Variants in FILIP1L observed in about 807,000 individuals in gnomAD.
The protein encoded by FILIP1L is filamin A interacting protein 1 like.
A neutral mutation model predicts 96.6 loss-of-function variants in FILIP1L; 55 were observed. The ratio of observed to expected loss-of-function variants is 0.57; its 90% CI spans 0.46 to 0.71. The LOEUF (loss-of-function observed/expected upper bound fraction) is 0.71. Among genes scored for constraint, FILIP1L ranks in the 30% least tolerant of loss-of-function variants. The pLI, the probability that FILIP1L is intolerant of heterozygous loss-of-function variation, is 0.00. For missense variants in FILIP1L, 1,304 were observed against 1,321.2 expected, an observed-to-expected ratio of 0.99 and a Z score of 0.20; for synonymous variants, 467 against 473.9, an observed-to-expected ratio of 0.99 and a Z score of 0.19.
intron 4 of FILIP1L, among the ~76,000 whole-genome samples, chr3:99,872,620 C>A (rs1460182202): frequency 6.6e-6 from 1 of 151,996 alleles, no homozygotes; most frequent in African/African-American, 2.4e-5. Flanking sequence ...AAAAAAAATT[C>A]TATACTTAAC....
intron 1 of FILIP1L, among the ~76,000 whole-genome samples, chr3:100,016,629 A>G (rs992907581): frequency 1.3e-5 from 2 of 152,208 alleles, no homozygotes; most frequent in African/African-American, 4.8e-5. Flanking sequence ...CCATATGAAT[A>G]TGCATATAAA....
intron 1 of FILIP1L, among the ~76,000 whole-genome samples, chr3:100,007,914 A>G (rs992346426): frequency 6.6e-6 from 1 of 152,168 alleles, no homozygotes; most frequent in African/African-American, 2.4e-5. Context: ...TGCATTGCAT[A>G]TAGTTACTAG....
At chr3:100,092,864 ACT>A (rs1368866288) in intron 1 of FILIP1L, among the ~76,000 whole-genome samples, 3 of 151,508 alleles carry the variant, frequency 2.0e-5, no homozygotes, top group Non-Finnish European at 4.4e-5. Flanking sequence ...CACAAGACAA[ACT>A]CATTCCAGGA....
intron 1 of FILIP1L, among the ~76,000 whole-genome samples, chr3:100,085,852 A>T (rs900163700): frequency 3.3e-5 from 5 of 152,352 alleles, no homozygotes; most frequent in Admixed American, 1.3e-4. Context: ...GCAGGAAAAG[A>T]GGTGGTTACA....
chr3:99,974,155 A>G (rs116240439), intron 1 of FILIP1L, among the ~76,000 whole-genome samples: 1,525 of 152,304 alleles, frequency 0.01, 14 homozygotes, highest in Non-Finnish European at 0.016. Context: ...GCTTGTAGGT[A>G]TTGGACAATA....
intron 4 of FILIP1L, among the ~76,000 whole-genome samples, chr3:99,886,395 A>G (rs1427151980): frequency 2.6e-5 from 4 of 151,612 alleles, no homozygotes; most frequent in Non-Finnish European, 5.9e-5. Flanking sequence ...TACACTTAAC[A>G]CTAATGATAC....
intron 1 of FILIP1L, among the ~76,000 whole-genome samples, chr3:99,961,321 T>A (rs558458462): frequency 1.3e-5 from 2 of 152,252 alleles, no homozygotes; most frequent in South Asian, 2.1e-4. Flanking sequence ...CCTCTGAGTA[T>A]TTTTTTAACC....
chr3:99,968,428 GGAA>G (rs1708719002), intron 1 of FILIP1L, among the ~76,000 whole-genome samples: 2 of 141,346 alleles, frequency 1.4e-5, no homozygotes, highest in African/African-American at 2.6e-5. Context: ...TGTTTTTGGG[GGAA>G]AAAAAAAAAA....
At chr3:99,847,750 T>G (rs1254822546) in intron 5 of FILIP1L, among the ~76,000 whole-genome samples, 1 of 152,206 alleles carries the variant, frequency 6.6e-6, no homozygotes, top group Non-Finnish European at 1.5e-5. Context: ...GTAATTTTTA[T>G]TTATTTGAAC....
chr3:100,003,356 G>A (rs1471333306), intron 1 of FILIP1L, among the ~76,000 whole-genome samples: 1 of 152,196 alleles, frequency 6.6e-6, no homozygotes, highest in Non-Finnish European at 1.5e-5. Flanking sequence ...GCCCAGCACT[G>A]TCAGGGTTTT....
chr3:100,102,362 G>A (rs904922148), intron 1 of FILIP1L, among the ~76,000 whole-genome samples: 3 of 151,970 alleles, frequency 2.0e-5, no homozygotes, highest in East Asian at 1.9e-4. Flanking sequence ...TGCATTTCTC[G>A]GGTGTTAAGA....
intron 1 of FILIP1L, among the ~76,000 whole-genome samples, chr3:100,028,236 G>A (rs2064962890): frequency 6.6e-6 from 1 of 152,170 alleles, no homozygotes; most frequent in Admixed American, 6.5e-5. Flanking sequence ...AGGAAACTCA[G>A]ACACACTGAA....
intron 1 of FILIP1L, among the ~76,000 whole-genome samples, chr3:99,983,411 T>A (rs1576619120): frequency 9.2e-6 from 1 of 108,548 alleles, no homozygotes; most frequent in African/African-American, 3.9e-5. Context: ...TATATATATA[T>A]ATATATATGT....
chr3:99,999,234 GA>G (rs1709773245), intron 1 of FILIP1L, among the ~76,000 whole-genome samples: 1 of 152,150 alleles, frequency 6.6e-6, no homozygotes, highest in African/African-American at 2.4e-5. Context: ...TAGAAAGTGT[GA>G]TAAGCTCTCA....
At chr3:99,898,043 A>G (rs1706315465) in intron 4 of FILIP1L, 1 of 151,782 alleles carries the variant, frequency 6.6e-6, no homozygotes, top group Admixed American at 6.6e-5. Context: ...TTTTTTCTCC[A>G]GTTAGTCGTC....
chr3:100,066,907 C>T (rs2107360444), intron 1 of FILIP1L, among the ~76,000 whole-genome samples: 1 of 152,234 alleles, frequency 6.6e-6, no homozygotes, highest in South Asian at 2.1e-4. Flanking sequence ...ATATTTATAG[C>T]CAGTCATTAC....
At chr3:99,895,973 CAT>C (rs1383960943) in intron 4 of FILIP1L, among the ~76,000 whole-genome samples, 3 of 152,256 alleles carry the variant, frequency 2.0e-5, no homozygotes, top group South Asian at 2.1e-4. Flanking sequence ...GTAGAGGAGA[CAT>C]GTGGCTCACT....
intron 1 of FILIP1L, among the ~76,000 whole-genome samples, chr3:100,025,753 T>G (rs2107244083): frequency 6.6e-6 from 1 of 152,292 alleles, no homozygotes; most frequent in African/African-American, 2.4e-5. Flanking sequence ...TAAATAATCA[T>G]CTAGAATAGG....
rs6808420 is a variant in FILIP1L, at chr3:99,882,073, A to T, written c.606-31003T>A. Among the ~76,000 whole-genome samples the T allele has an allele frequency of 4.5e-3, 689 of 152,320 alleles. 7 individuals carry two copies. Among genetic ancestry groups the T allele is most frequent in the African/African-American group, 0.016 (675 of 41,562 alleles). ...TTATATGTTTTCTTTTATCTTTGGA[A>T]CTCAAATAGAGCAATTCCTGAGCAT... On this transcript the variant is annotated intron_variant, in intron 4 of 5. Transcript: ENST00000477258.
Sources: gnomAD v4.1 joint callset for allele counts (sites outside exome capture counted in the v4.1 genomes callset) on GRCh38, gnomAD v4.1.1 for gene constraint, MANE v1.5 for transcripts, NCBI Gene and HGNC (gene_info 2026-07-23, HGNC 2026-07-21) for gene names.